Variants in RNF31 observed in about 807,000 individuals in gnomAD.
RNF31 encodes ring finger protein 31, also known as E3 ubiquitin-protein ligase RNF31.
Under a neutral mutation model 133.6 loss-of-function variants are expected in RNF31, and 38 were observed. That is an observed-to-expected ratio of 0.28 (90% CI 0.22 to 0.37). RNF31 has a LOEUF of 0.37. Ranked by LOEUF, RNF31 falls within the 10% of genes least tolerant of loss-of-function variation. RNF31 has a pLI of 1.00. For missense variants in RNF31, 1,118 were observed against 1,394.1 expected (o/e 0.80, Z 3.15); for synonymous variants, 582 against 552.3 (o/e 1.05, Z -0.75).
chr14:24,159,584 C>CAAA (rs59295225), intron 18 of RNF31, among the ~76,000 whole-genome samples: 106 of 82,128 alleles, frequency 1.3e-3, no homozygotes, highest in African/African-American at 2.7e-3. Context: ...AAATAACAAC[C>CAAA]AAAAAAAAAA....
rs2038430031 is a variant in RNF31 at position 24,160,460 on chromosome 14, GT to G, written c.3165+54del. On this transcript the variant is annotated intron_variant, in intron 20 of 20. Coordinates refer to ENST00000324103, the MANE Select transcript of RNF31 (RefSeq NM_017999.5). This position sits in a 1 kb window ranked among gnomAD's most constrained non-coding sequence, Gnocchi z 4.0. ...TAACCCACCCTACAGAAGTCACCTG[GT>G]GCTGACTGTGTCTGAGCTCCAGGCT... 2.3e-5 allele frequency: 36 copies of G among 1,587,308 alleles called. 1 individual carries two copies. The South Asian group carries it at 3.4e-4, about 15-fold the overall frequency.
rs1014405683 is a variant in RNF31, at chr14:24,151,150, C to G, written c.1508C>G (p.Ala503Gly). ...SMIREGEAAGACPEEIFSALQ... is the reference protein window; with the variant it reads ...SMIREGEAAGGCPEEIFSALQ... ...CCTTAGGAAGGGGAAGCCGCAGGTGCCTGTCCAGAGGAGATCTTCTCGGCT... is the reference window on the plus strand; with the variant it reads ...CCTTAGGAAGGGGAAGCCGCAGGTGGCTGTCCAGAGGAGATCTTCTCGGCT... Residue 503 changes from alanine to glycine, a missense_variant, in exon 9 of 21, where the codon GCC becomes GGC. Around this residue, in one of 3 missense-constraint regions of RNF31, gnomAD observed 747 missense variants for 827.9 expected, o/e 0.90. Transcript: ENST00000324103. This position sits in a 1 kb window ranked among gnomAD's most constrained non-coding sequence, Gnocchi z 5.3. 4 of 1,614,022 alleles carry G rather than the reference C, an allele frequency of 2.5e-6. No homozygotes were observed. Among genetic ancestry groups the G allele is most frequent in the Non-Finnish European group, 3.4e-6 (4 of 1,180,000 alleles).
chr14:24,148,884 TGG>T lies in RNF31; in HGVS notation c.631+9_631+10del. On this transcript the variant is annotated intron_variant, in intron 5 of 20. Coordinates refer to ENST00000324103, the MANE Select transcript of RNF31 (RefSeq NM_017999.5). ...CCACACCCTCTGTCCCAGGTATTATTGGTCCTAAATTGGGGACCAGGTAGGAA... is the reference window on the plus strand; with the variant it reads ...CCACACCCTCTGTCCCAGGTATTATTTCCTAAATTGGGGACCAGGTAGGAA... 1 of 1,612,738 alleles carries T rather than the reference TGG, an allele frequency of 6.2e-7. No individual in the cohort carries two copies. Among genetic ancestry groups the T allele is most frequent in the South Asian group, 1.1e-5 (1 of 91,046 alleles).
Position 24,158,151 on chromosome 14 carries a change from G to T in RNF31, c.2851G>T (p.Val951Phe). The change falls in exon 18 of 21, where the codon GTC (valine) becomes TTC (phenylalanine). Residue 951 changes from valine (V) to phenylalanine (F), a missense_variant. This residue lies in a region of RNF31 where 170 missense variants were observed against 194.5 expected (regional missense o/e 0.87). Coordinates refer to ENST00000324103, the MANE Select transcript of RNF31 (RefSeq NM_017999.5). ...TGTCTCTCCTCCTCAGGACAATAAC[G>T]TCATGTTTAATACAGAGCCTCCAGC... ...RLQKLLQDNN[V>F]MFNTEPPAGA... The T allele has an allele frequency of 6.2e-7, 1 of 1,614,240 alleles. No homozygotes were observed. The highest frequency in any genetic ancestry group is 8.5e-7 in the Non-Finnish European group (1 of 1,180,038).
In RNF31 at chr14:24,160,496, A is replaced by G. The variant is rs1311704294; in HGVS notation, c.3166-24A>G. The stretch of plus-strand genomic sequence containing the variant: ...GTCTGAGCTCCAGGCTTCCAATATC[A>G]TTACCTTCTCTCTCCTTCTGCAGAA... On this transcript the variant is annotated intron_variant, in intron 20 of 20. Transcript: ENST00000324103. The surrounding 1 kb of genome is among the most constrained non-coding windows in gnomAD (Gnocchi z 4.0). 1.9e-6 allele frequency: 3 copies of G among 1,563,452 alleles called. No homozygotes were observed. Among genetic ancestry groups the G allele is most frequent in the East Asian group, 2.3e-5 (1 of 44,134 alleles).
At chr14:24,156,063 C>T (rs1594381416) in intron 14 of RNF31, among the ~76,000 whole-genome samples, 1 of 152,196 alleles carries the variant, frequency 6.6e-6, no homozygotes, top group East Asian at 1.9e-4. Flanking sequence ...CAGGCCTAAA[C>T]ATTAAAAAGA....
rs1195490563 is a variant in RNF31 at position 24,155,408 on chromosome 14, C to T, written c.2305-6C>T. The T allele has an allele frequency of 6.2e-7, 1 of 1,614,118 alleles. No individual in the cohort carries two copies. ...CCCACCCACCACCTCTGCATCCTGT[C>T]CCCAGCTTCGCGAGAGCCTAGAGCC... is the stretch of plus-strand genomic sequence containing the variant. On this transcript the variant is annotated splice_region_variant and splice_polypyrimidine_tract_variant and intron_variant, in intron 12 of 20. Transcript: ENST00000324103. This position sits in a 1 kb window ranked among gnomAD's most constrained non-coding sequence, Gnocchi z 4.9.
At chr14:24,158,032 A>G in intron 17 of RNF31, 21 bp downstream of exon 17, 1 of 1,607,504 alleles carries the variant, frequency 6.2e-7, no homozygotes, top group Non-Finnish European at 8.5e-7. Context: ...GCCAGGAGAG[A>G]AGAAGACAGG....
upstream of RNF31, chr14:24,146,917 G>A: frequency 2.3e-6 from 1 of 428,914 alleles, no homozygotes; most frequent in Non-Finnish European, 4.3e-6. Flanking sequence ...GGTAAGAGAG[G>A]TGGGAGTATG....
Position 24,155,685 on chromosome 14 carries a change from A to G in RNF31, c.2486A>G (p.Lys829Arg). 3.1e-6 allele frequency: 5 copies of G among 1,613,902 alleles called. No individual in the cohort carries two copies. Among genetic ancestry groups the G allele is most frequent in the Non-Finnish European group, 4.2e-6 (5 of 1,179,802 alleles). The change falls in exon 14 of 21, where the codon AAG (lysine) becomes AGG (arginine). Residue 829 changes from lysine to arginine, a missense_variant. By Grantham distance (26) the Lys-to-Arg change is conservative (BLOSUM62 2). Transcript: ENST00000324103. The surrounding 1 kb of genome is among the most constrained non-coding windows in gnomAD (Gnocchi z 4.9). ...CACCAGACCTTCTGTGTGCGCTGCA[A>G]GCGCCAGGTGAGGCACATTCATCCT... ...QCHQTFCVRC[K>R]RQWEEQHRGR...
At position 24,160,358 on chromosome 14, in the gene RNF31, A is replaced by G; in HGVS notation, c.3116A>G (p.Gln1039Arg). 1 of 1,614,154 alleles carries G rather than the reference A, an allele frequency of 6.2e-7. No homozygotes were observed. The highest frequency in any genetic ancestry group is 8.5e-7 in the Non-Finnish European group (1 of 1,179,996). The change falls in exon 20 of 21, where the codon CAG becomes CGG. Residue 1039 changes from glutamine to arginine, a missense_variant. Gln to Arg is a conservative substitution (Grantham distance 43). Transcript: ENST00000324103. The surrounding 1 kb of genome is among the most constrained non-coding windows in gnomAD (Gnocchi z 4.0). The stretch of plus-strand genomic sequence containing the variant: ...GAGCGCTACCTGCACGTACGCCCCC[A>G]GCCTTTGGCTGGAGAGGATCCCCCT... Reference protein sequence around the residue: ...ATERYLHVRPQPLAGEDPPAY... With the variant: ...ATERYLHVRPRPLAGEDPPAY...
At position 24,150,735 on chromosome 14, in the gene RNF31, C is replaced by G. The variant is rs1456271878; in HGVS notation, c.1335C>G (p.Pro445=). ...TSSPIPAQHA[P]RPYASSLEKG... ...GCCCCATTCCAGCACAACATGCCCC[C>G]CGGCCCTATGCCAGCTCTTTGGAAA... is the stretch of plus-strand genomic sequence containing the variant. The change falls in exon 8 of 21, where the codon CCC becomes CCG. Residue 445 remains proline (P), a synonymous_variant. Coordinates refer to ENST00000324103, the MANE Select transcript of RNF31 (RefSeq NM_017999.5). 4 of 1,613,562 alleles carry G rather than the reference C, an allele frequency of 2.5e-6. No homozygotes were observed. The South Asian group carries it at 4.4e-5, about 18-fold the overall frequency.
rs755906275 is a variant in RNF31 at position 24,151,439 on chromosome 14, T to C, written c.1738-46T>C. On this transcript the variant is annotated intron_variant, in intron 9 of 20. Transcript: ENST00000324103. The surrounding 1 kb of genome is among the most constrained non-coding windows in gnomAD (Gnocchi z 5.3). ...AGTCTGCATCTCTCACACTCTCCCT[T>C]GCTTGCTTTCCCACTTCATTCCCCC... 2 of 1,613,292 alleles carry C rather than the reference T, an allele frequency of 1.2e-6. No homozygotes were observed. Among genetic ancestry groups the C allele is most frequent in the Non-Finnish European group, 1.7e-6 (2 of 1,179,314 alleles).
chr14:24,147,781 C>T lies in RNF31; in HGVS notation c.83C>T (p.Ala28Val), dbSNP rs1458683053. 1 of 1,584,512 alleles carries T rather than the reference C, an allele frequency of 6.3e-7. No homozygotes were observed. Among genetic ancestry groups the T allele is most frequent in the East Asian group, 2.3e-5 (1 of 43,522 alleles). Reference protein sequence around the residue: ...ASALRRDSGQAFSLEQLRPLL... With the variant: ...ASALRRDSGQVFSLEQLRPLL... ...GCCCTGAGGAGGGATTCCGGGCAGG[C>T]GTTTTCCCTGGAGCAGCTCCGGCCG... is the stretch of plus-strand genomic sequence containing the variant. The change falls in exon 1 of 21, where the codon GCG (alanine) becomes GTG (valine). Residue 28 changes from alanine (A) to valine (V), a missense_variant. By Grantham distance (64) the Ala-to-Val change is moderately conservative. This residue lies in a region of RNF31 where 747 missense variants were observed against 827.9 expected (regional missense o/e 0.90). Coordinates refer to ENST00000324103, the MANE Select transcript of RNF31 (RefSeq NM_017999.5).
chr14:24,151,509 T>G lies in RNF31; in HGVS notation c.1762T>G (p.Phe588Val). 6.2e-7 allele frequency: 1 copy of G among 1,614,194 alleles called. No individual in the cohort carries two copies. The highest frequency in any genetic ancestry group is 1.1e-5 in the South Asian group (1 of 91,082). Reference protein sequence around the residue: ...RKVQELQSLGFGPEEGSLQAL... With the variant: ...RKVQELQSLGVGPEEGSLQAL... ...GGTGCAGGAGCTCCAGTCTCTAGGC[T>G]TTGGGCCTGAGGAGGGGTCTCTCCA... Residue 588 changes from phenylalanine to valine, a missense_variant, in exon 10 of 21, where the codon TTT (phenylalanine) becomes GTT (valine). Physicochemically the swap from Phe to Val is conservative, Grantham distance 50 (BLOSUM62 -1). Coordinates refer to ENST00000324103, the MANE Select transcript of RNF31 (RefSeq NM_017999.5). The surrounding 1 kb of genome is among the most constrained non-coding windows in gnomAD (Gnocchi z 5.3).
At chr14:24,147,933 G>C in intron 1 of RNF31, 43 bp downstream of exon 1, 2 of 1,613,600 alleles carry the variant, frequency 1.2e-6, no homozygotes, top group Non-Finnish European at 1.7e-6. Flanking sequence ...CAGGGCCTGA[G>C]GCCCAGGCCA....
Position 24,160,453 on chromosome 14 carries a change from T to A in RNF31, c.3165+46T>A, listed in dbSNP as rs771889470. 10 of 1,597,024 alleles carry A rather than the reference T, an allele frequency of 6.3e-6. No homozygotes were observed. The South Asian group carries it at 1.0e-4, about 16-fold the overall frequency. On this transcript the variant is annotated intron_variant, in intron 20 of 20. Coordinates refer to ENST00000324103, the MANE Select transcript of RNF31 (RefSeq NM_017999.5). The surrounding 1 kb of genome is among the most constrained non-coding windows in gnomAD (Gnocchi z 4.0). ...CATCTCTTAACCCACCCTACAGAAG[T>A]CACCTGGTGCTGACTGTGTCTGAGC...
At chr14:24,154,789 ACT>A (rs1341956682) in intron 11 of RNF31, among the ~76,000 whole-genome samples, 1 of 151,778 alleles carries the variant, frequency 6.6e-6, no homozygotes, top group African/African-American at 2.4e-5. Flanking sequence ...CCACAAAGGA[ACT>A]CTCTCATGTA....
At chr14:24,158,946 T>C (rs1461685225) in intron 18 of RNF31, among the ~76,000 whole-genome samples, 3 of 138,466 alleles carry the variant, frequency 2.2e-5, no homozygotes, top group Admixed American at 8.3e-5. Flanking sequence ...GGCAGGAGAA[T>C]GGCATGAACC....
Sources: gnomAD v4.1 joint callset for allele counts (sites outside exome capture counted in the v4.1 genomes callset) on GRCh38, gnomAD v4.1.1 for gene constraint, gnomAD v4.1.1 regional missense constraint, Gnocchi (gnomAD v3.1) non-coding constraint, MANE v1.5 for transcripts, NCBI Gene and HGNC (gene_info 2026-07-23, HGNC 2026-07-21) for gene names.